The following ZNF583 variants were observed in gnomAD, a reference collection of about 807,000 sequenced individuals.
The protein encoded by ZNF583 is zinc finger protein L3-5.
Under a neutral mutation model 55.3 loss-of-function variants are expected in ZNF583, and 30 were observed. The observed-to-expected ratio is 0.54, with a 90% CI of 0.41 to 0.74. The LOEUF (loss-of-function observed/expected upper bound fraction) is 0.74, where lower values mean the gene tolerates loss of function less well. ZNF583 is among the 30% of genes least tolerant of loss of function. The probability of loss-of-function intolerance (pLI) is 0.00; values close to 1 mark genes in which losing one functional copy is unlikely to be tolerated. For synonymous variants in ZNF583, 208 were observed against 220.0 expected (o/e 0.95, Z 0.48); for missense variants, 504 against 664.7 (o/e 0.76, Z 2.66).
chr19:56,414,588 G>C (rs1052490110), intron 4 of ZNF583, 148 bp downstream of exon 4: 7 of 641,562 alleles, frequency 1.1e-5, no homozygotes, highest in Admixed American at 3.0e-5. Flanking sequence ...TCTTTAGTAT[G>C]AGCTCCTCAA....
At position 56,413,889 on chromosome 19, in the gene ZNF583, A is replaced by G. The variant is rs929857243; in HGVS notation, c.10-70A>G. On this transcript the variant is annotated intron_variant, in intron 2 of 4. Transcript: ENST00000333201. ...TTTTCTCTAAAAGTATAGACAATTT[A>G]ACTTTTTAACTTAGGCTCATGTGAG... The G allele has an allele frequency of 3.1e-6, 5 of 1,595,882 alleles. No homozygotes were observed. In the Admixed American group the frequency reaches 5.3e-5, roughly 17 times the overall value.
chr19:56,417,674 C>T (rs2042349279), intron 4 of ZNF583, among the ~76,000 whole-genome samples: 1 of 152,062 alleles, frequency 6.6e-6, no homozygotes, highest in African/African-American at 2.4e-5. Context: ...TTGTAAAATC[C>T]AATTTATTAA....
At chr19:56,417,514 ATTGT>A (rs1231948470) in intron 4 of ZNF583, among the ~76,000 whole-genome samples, 1 of 152,094 alleles carries the variant, frequency 6.6e-6, no homozygotes, top group Non-Finnish European at 1.5e-5. Context: ...GTTTTATTGG[ATTGT>A]TTATCTTATG....
chr19:56,421,266 CCTTAA>C (rs1568813411), intron 4 of ZNF583, among the ~76,000 whole-genome samples: 3 of 98,334 alleles, frequency 3.1e-5, no homozygotes, highest in Admixed American at 1.1e-4. Flanking sequence ...TAATATCTAT[CCTTAA>C]CTTTTCAGTC....
At chr19:56,419,161 T>C (rs1448167588) in intron 4 of ZNF583, among the ~76,000 whole-genome samples, 1 of 151,972 alleles carries the variant, frequency 6.6e-6, no homozygotes, top group Non-Finnish European at 1.5e-5. Context: ...AGATTTTGCC[T>C]TATGTACATG....
rs111317600 is a variant in ZNF583, at chr19:56,406,588, G to A, written c.-89-438G>A. 6.1e-4 allele frequency among the ~76,000 whole-genome samples: 85 copies of A among 139,062 alleles called. 1 individual carries two copies. The South Asian group carries it at 0.011, about 18-fold the overall frequency. The allele number at this position is 139,062 out of a possible 152,430, so 91.2% of individuals were successfully genotyped here. ...CGCTCTGTGGCCCAGACTGGAGTGT[G>A]GTGGCGCGATCTTGGCTCACTGCAA... On this transcript the variant is annotated intron_variant, in intron 1 of 4. Coordinates refer to ENST00000333201, the MANE Select transcript of ZNF583 (RefSeq NM_152478.3).
intron 4 of ZNF583, among the ~76,000 whole-genome samples, chr19:56,419,942 T>C (rs1345309380): frequency 1.3e-5 from 2 of 152,196 alleles, no homozygotes; most frequent in Non-Finnish European, 2.9e-5. Context: ...TCTATATTGT[T>C]AATTTTCTTT....
chr19:56,423,185 G>A lies in ZNF583; in HGVS notation c.527G>A (p.Ser176Asn). ...GATACAATCTTTGATATACAACAGA[G>A]TTTTCCCACCAAAGAAAAAGCACAT... ...HQDTIFDIQQSFPTKEKAHKH... is the reference protein window; with the variant it reads ...HQDTIFDIQQNFPTKEKAHKH... Residue 176 changes from serine (S) to asparagine (N), a missense_variant, in exon 5 of 5, where the codon AGT (serine) becomes AAT (asparagine). Physicochemically the swap from Ser to Asn is conservative, Grantham distance 46 (BLOSUM62 1). This residue lies in a region of ZNF583 where 204 missense variants were observed against 235.2 expected (regional missense o/e 0.87). Transcript: ENST00000333201. 6.2e-7 allele frequency: 1 copy of A among 1,613,038 alleles called. No homozygotes were observed. The highest frequency in any genetic ancestry group is 8.5e-7 in the Non-Finnish European group (1 of 1,179,890).
At chr19:56,414,270 C>T (rs1288960587) in intron 3 of ZNF583, 75 bp from the exon 4 acceptor site, 1 of 1,540,684 alleles carries the variant, frequency 6.5e-7, no homozygotes, top group Non-Finnish European at 9.0e-7. Context: ...CATTATTCTC[C>T]CACCTTCTTG....
intron 1 of ZNF583, among the ~76,000 whole-genome samples, chr19:56,406,454 C>G (rs982724978): frequency 6.6e-6 from 1 of 151,880 alleles, no homozygotes; most frequent in African/African-American, 2.4e-5. Flanking sequence ...CTTGGTAATA[C>G]CATTCTGTAA....
chr19:56,410,712 AC>A (rs1464505009), intron 2 of ZNF583, among the ~76,000 whole-genome samples: 2 of 152,168 alleles, frequency 1.3e-5, no homozygotes, highest in African/African-American at 4.8e-5. Context: ...AAAAACACAA[AC>A]AGCAACAACA....
intron 4 of ZNF583, chr19:56,421,569 ACTGTAAT>A (rs1393389124): frequency 1.1e-6 from 1 of 894,436 alleles, no homozygotes; most frequent in African/African-American, 1.8e-5. Context: ...ATCATTATCC[ACTGTAAT>A]ATTTAAGTTT....
At position 56,414,385 on chromosome 19, in the gene ZNF583, G is replaced by A; in HGVS notation, c.177G>A (p.Glu59=). The change falls in exon 4 of 5, where the codon GAG becomes GAA. Residue 59 remains glutamate (E), a synonymous_variant. Coordinates refer to ENST00000333201, the MANE Select transcript of ZNF583 (RefSeq NM_152478.3). The stretch of plus-strand genomic sequence containing the variant: ...AGCCAGATGTGATCTCATTATTGGA[G>A]CAAGGAAAAGAGCCCTGGATGGTGA... The part of the protein sequence containing the change: ...VSKPDVISLL[E]QGKEPWMVKK... 6.2e-7 allele frequency: 1 copy of A among 1,614,124 alleles called. No individual in the cohort carries two copies. Among genetic ancestry groups the A allele is most frequent in the Non-Finnish European group, 8.5e-7 (1 of 1,180,022 alleles).
chr19:56,406,563 C>T (rs147232990), intron 1 of ZNF583, among the ~76,000 whole-genome samples: 10,418 of 129,512 alleles, frequency 0.08, 727 homozygotes, highest in African/African-American at 0.2. Flanking sequence ...GACAGAGTCT[C>T]GCTCTGTGGC....
Position 56,426,165 on chromosome 19 carries a change from C to T in ZNF583, c.*1797C>T, listed in dbSNP as rs2042491040. 6.6e-6 allele frequency: 1 copy of T among 152,162 alleles called. No individual in the cohort carries two copies. Among genetic ancestry groups the T allele is most frequent in the South Asian group, 2.1e-4 (1 of 4,830 alleles). 9.4% of individuals were successfully genotyped at this position (152,162 alleles called of 1,614,324 possible). A position where few individuals can be genotyped will look rare whatever the true frequency, so the allele number is the denominator to read the frequency against. On this transcript the variant is annotated 3_prime_UTR_variant, in exon 5 of 5. Transcript: ENST00000333201. ...TAAGGTTTTAACATGTATGTGTGAA[C>T]ATACATATTCATGCTGTTACACATA...
At chr19:56,406,555 C>T (rs2042152938) in intron 1 of ZNF583, among the ~76,000 whole-genome samples, 2 of 110,364 alleles carry the variant, frequency 1.8e-5, no homozygotes, top group African/African-American at 7.1e-5. Flanking sequence ...TTTTTTGAGA[C>T]AGAGTCTCGC....
At chr19:56,418,765 T>A (rs990873085) in intron 4 of ZNF583, among the ~76,000 whole-genome samples, 2 of 152,114 alleles carry the variant, frequency 1.3e-5, no homozygotes, top group Admixed American at 1.3e-4. Flanking sequence ...TATATTGCAA[T>A]GGCTAGGACC....
At chr19:56,406,749 G>A (rs769876955) in intron 1 of ZNF583, among the ~76,000 whole-genome samples, 2 of 152,018 alleles carry the variant, frequency 1.3e-5, no homozygotes, top group African/African-American at 2.4e-5. Flanking sequence ...GGATGGTCTC[G>A]ATCTCCTGAC....
At chr19:56,421,430 G>A (rs2042414562) in intron 4 of ZNF583, 2 of 983,820 alleles carry the variant, frequency 2.0e-6, no homozygotes, top group Non-Finnish European at 2.4e-6. Flanking sequence ...ACTTTTTATA[G>A]GGCATTCATG....
Sources: gnomAD v4.1 joint callset for allele counts (sites outside exome capture counted in the v4.1 genomes callset) on GRCh38, gnomAD v4.1.1 for gene constraint, gnomAD v4.1.1 regional missense constraint, MANE v1.5 for transcripts, NCBI Gene and HGNC (gene_info 2026-07-23, HGNC 2026-07-21) for gene names.